DCDC2: variants seen among roughly 807,000 people sequenced by gnomAD.
DCDC2 encodes doublecortin domain containing 2.
A neutral mutation model predicts 50.2 loss-of-function variants in DCDC2; 40 were observed. That is an observed-to-expected ratio of 0.80 (90% CI 0.62 to 1.04). The LOEUF (loss-of-function observed/expected upper bound fraction) is 1.04, where lower values mean the gene tolerates loss of function less well. Among genes scored for constraint, DCDC2 ranks in the 50% least tolerant of loss-of-function variants. DCDC2 has a pLI of 0.00. For synonymous variants in DCDC2, 234 were observed against 210.6 expected, an observed-to-expected ratio of 1.11 and a Z score of -0.96; for missense variants, 570 against 581.9, an observed-to-expected ratio of 0.98 and a Z score of 0.21.
intron 7 of DCDC2, among the ~76,000 whole-genome samples, chr6:24,255,691 T>C (rs896095170): frequency 6.6e-6 from 1 of 152,128 alleles, no homozygotes; most frequent in African/African-American, 2.4e-5. Context: ...GAAAAAGTAT[T>C]CAAATTCTCA....
chr6:24,364,687 T>A, the DCDC2 span, among the ~76,000 whole-genome samples: 2 of 151,412 alleles, frequency 1.3e-5, no homozygotes, highest in Admixed American at 1.3e-4. Context: ...ACCTAAAACT[T>A]CAAAAACTGG....
chr6:24,186,876 A>C (rs974665341), intron 8 of DCDC2, among the ~76,000 whole-genome samples: 12 of 152,206 alleles, frequency 7.9e-5, no homozygotes, highest in African/African-American at 2.9e-4. Context: ...GAGGCAATTT[A>C]AGTTAAAATT....
chr6:24,287,889 C>T (rs761760830), intron 6 of DCDC2, among the ~76,000 whole-genome samples: 1 of 152,156 alleles, frequency 6.6e-6, no homozygotes, highest in Non-Finnish European at 1.5e-5. Context: ...TTGTAAGTTG[C>T]TTGAGGGCAA....
chr6:24,233,617 T>C (rs1381543240), intron 7 of DCDC2, among the ~76,000 whole-genome samples: 1 of 152,164 alleles, frequency 6.6e-6, no homozygotes, highest in African/African-American at 2.4e-5. Context: ...AGTGAGGCAG[T>C]TTAATTAGAA....
chr6:24,236,526 TAAAC>T (rs1762443169), intron 7 of DCDC2, among the ~76,000 whole-genome samples: 1 of 152,022 alleles, frequency 6.6e-6, no homozygotes, highest in Non-Finnish European at 1.5e-5. Flanking sequence ...AATTGAAACA[TAAAC>T]AAAACTTGAC....
intron 8 of DCDC2, among the ~76,000 whole-genome samples, chr6:24,179,194 C>G (rs1363750073): frequency 1.3e-5 from 2 of 152,148 alleles, no homozygotes; most frequent in Non-Finnish European, 2.9e-5. Flanking sequence ...TCTCTAAACA[C>G]AATAACTGAT....
chr6:24,369,910 T>C, the DCDC2 span, among the ~76,000 whole-genome samples: 1 of 151,642 alleles, frequency 6.6e-6, no homozygotes, highest in Non-Finnish European at 1.5e-5. Flanking sequence ...GGCATGGTGG[T>C]GCATGCCTGT....
At chr6:24,184,514 T>C (rs1405192987) in intron 8 of DCDC2, among the ~76,000 whole-genome samples, 7 of 151,754 alleles carry the variant, frequency 4.6e-5, no homozygotes, top group Admixed American at 4.6e-4. Context: ...GAGGTTGCAG[T>C]GAGCTGAGAT....
At chr6:24,374,248 A>C in the DCDC2 span, among the ~76,000 whole-genome samples, 1 of 151,878 alleles carries the variant, frequency 6.6e-6, no homozygotes, top group Non-Finnish European at 1.5e-5. Context: ...TCCAGCAAAG[A>C]AGAGAGTAAT....
At chr6:24,381,899 A>C in the DCDC2 span, among the ~76,000 whole-genome samples, 1 of 150,534 alleles carries the variant, frequency 6.6e-6, no homozygotes, top group Non-Finnish European at 1.5e-5. Flanking sequence ...AAAAGAAAGA[A>C]AGAAGGAGAA....
chr6:24,313,423 T>A (rs1759606283), intron 2 of DCDC2, among the ~76,000 whole-genome samples: 1 of 152,244 alleles, frequency 6.6e-6, no homozygotes, highest in Non-Finnish European at 1.5e-5. Context: ...TCTTTTCTTT[T>A]GTATTCTTTC....
intron 7 of DCDC2, among the ~76,000 whole-genome samples, chr6:24,207,287 TCA>T (rs1491231369): frequency 6.1e-5 from 9 of 148,416 alleles, no homozygotes; most frequent in East Asian, 3.9e-4. Flanking sequence ...TCTCTCTCTC[TCA>T]GACACACACA....
chr6:24,292,331 C>A lies in DCDC2; in HGVS notation c.558-1253G>T, dbSNP rs73726643. On this transcript the variant is annotated intron_variant, in intron 4 of 9. Transcript: ENST00000378454. ...TATATTACATAATAAGATTAAATGTCATTTACAGACGCAAAAAAAAAAACC... is the reference window on the plus strand; with the variant it reads ...TATATTACATAATAAGATTAAATGTAATTTACAGACGCAAAAAAAAAAACC... 1.5e-3 allele frequency among the ~76,000 whole-genome samples: 217 copies of A among 142,130 alleles called. 1 individual carries two copies. The highest frequency in any genetic ancestry group is 6.0e-3 in the African/African-American group (207 of 34,472). 93.2% of individuals were successfully genotyped at this position (142,130 alleles called of 152,430 possible). A position where few individuals can be genotyped will look rare whatever the true frequency, so the allele number is the denominator to read the frequency against.
chr6:24,297,551 T>C (rs2113835168), intron 4 of DCDC2, among the ~76,000 whole-genome samples: 1 of 152,344 alleles, frequency 6.6e-6, no homozygotes, highest in African/African-American at 2.4e-5. Context: ...TACTTGAATA[T>C]ATTTTATTTC....
intron 4 of DCDC2, among the ~76,000 whole-genome samples, chr6:24,297,407 C>T (rs921562743): frequency 1.3e-5 from 2 of 152,042 alleles, no homozygotes; most frequent in Non-Finnish European, 2.9e-5. Context: ...AACAAACTAC[C>T]GTGACACAAG....
chr6:24,330,976 T>C (rs558723617), intron 2 of DCDC2, among the ~76,000 whole-genome samples: 6 of 152,294 alleles, frequency 3.9e-5, no homozygotes, highest in Non-Finnish European at 7.4e-5. Flanking sequence ...AAAAAGAATA[T>C]TGAAATAAAA....
chr6:24,314,536 C>A (rs1269400657), intron 2 of DCDC2, among the ~76,000 whole-genome samples: 1 of 151,974 alleles, frequency 6.6e-6, no homozygotes, highest in African/African-American at 2.4e-5. Context: ...TATGGCCTTA[C>A]TAACCCTAAA....
the DCDC2 span, among the ~76,000 whole-genome samples, chr6:24,374,458 T>C: frequency 1.3e-5 from 2 of 150,288 alleles, no homozygotes. Flanking sequence ...CTCACATCTG[T>C]AATCCCAGCT....
At chr6:24,281,344 C>CT (rs577049117) in intron 6 of DCDC2, among the ~76,000 whole-genome samples, 2,769 of 141,754 alleles carry the variant, frequency 0.02, 23 homozygotes, top group Middle Eastern at 0.06. Context: ...AATTGAAATG[C>CT]TTTTTTTTTT....
Sources: allele counts gnomAD v4.1 joint callset (sites outside exome capture counted in the v4.1 genomes callset), GRCh38; gene constraint gnomAD v4.1.1; transcripts MANE v1.5; gene names NCBI Gene and HGNC (gene_info 2026-07-23, HGNC 2026-07-21).